LRP1: variants seen among roughly 807,000 people sequenced by gnomAD.
LRP1 encodes LDL receptor related protein 1, also known as prolow-density lipoprotein receptor-related protein 1.
Under a neutral mutation model 541.5 loss-of-function variants are expected in LRP1, and 51 were observed. The observed-to-expected ratio is 0.09, with a 90% CI of 0.08 to 0.12. LRP1 has a LOEUF of 0.12. Ranked by LOEUF, LRP1 falls within the 10% of genes least tolerant of loss-of-function variation. LRP1 has a pLI of 1.00. For missense variants in LRP1, 3,878 were observed against 6,376.2 expected, an observed-to-expected ratio of 0.61 and a Z score of 13.34; for synonymous variants, 2,219 against 2,470.8, an observed-to-expected ratio of 0.90 and a Z score of 3.02.
At chr12:57,160,840 A>AGG in intron 12 of LRP1, 53 bp from the exon 13 acceptor site, 1 of 1,398,174 alleles carries the variant, frequency 7.2e-7, no homozygotes, top group South Asian at 1.2e-5. Context: ...ATCACAGGGG[A>AGG]GGCTGTTGAT....
At chr12:57,171,044 T>C (rs1308845175) in intron 20 of LRP1, among the ~76,000 whole-genome samples, 1 of 152,126 alleles carries the variant, frequency 6.6e-6, no homozygotes, top group Admixed American at 6.6e-5. Flanking sequence ...TCTCCAGGGC[T>C]ATCTCTGTGA....
At position 57,185,966 on chromosome 12, in the gene LRP1, G is replaced by A; in HGVS notation, c.6841+58G>A. On this transcript the variant is annotated intron_variant, in intron 41 of 88. Coordinates refer to ENST00000243077, the MANE Select transcript of LRP1 (RefSeq NM_002332.3). The surrounding 1 kb of genome is among the most constrained non-coding windows in gnomAD (Gnocchi z 4.9). ...GGGACATGGGGCGGGGAGCAGCACA[G>A]ACTCTTAGACCCCAGCCAGGCACTC... 1 of 1,547,908 alleles carries A rather than the reference G, an allele frequency of 6.5e-7. No individual in the cohort carries two copies. The highest frequency in any genetic ancestry group is 1.4e-5 in the African/African-American group (1 of 73,582).
In LRP1 at chr12:57,185,238, G is replaced by T. The variant is rs1565739960; in HGVS notation, c.6463+33G>T. The T allele has an allele frequency of 2.5e-6, 4 of 1,612,308 alleles. No individual in the cohort carries two copies. Among genetic ancestry groups the T allele is most frequent in the Middle Eastern group, 1.7e-4 (1 of 6,054 alleles). On this transcript the variant is annotated intron_variant, in intron 40 of 88. Coordinates refer to ENST00000243077, the MANE Select transcript of LRP1 (RefSeq NM_002332.3). This position sits in a 1 kb window ranked among gnomAD's most constrained non-coding sequence, Gnocchi z 4.9. ...TGGGGCTCTGGGCTGGGGTGGAGAG[G>T]TGAGGGGGACTCTGGCCTGGGAGAG...
intron 42 of LRP1, 37 bp from the exon 43 acceptor site, chr12:57,190,768 G>T: frequency 1.9e-6 from 3 of 1,598,252 alleles, no homozygotes; most frequent in Non-Finnish European, 2.6e-6. Context: ...TGGATTCTCA[G>T]GCTTTGCCTC....
Position 57,185,246 on chromosome 12 carries a change from G to C in LRP1, c.6463+41G>C, listed in dbSNP as rs2036246411. 1 of 1,609,982 alleles carries C rather than the reference G, an allele frequency of 6.2e-7. No individual in the cohort carries two copies. Among genetic ancestry groups the C allele is most frequent in the Non-Finnish European group, 8.5e-7 (1 of 1,177,414 alleles). ...TGGGCTGGGGTGGAGAGGTGAGGGG[G>C]ACTCTGGCCTGGGAGAGTGCTCCCC... is the stretch of plus-strand genomic sequence containing the variant. On this transcript the variant is annotated intron_variant, in intron 40 of 88. Coordinates refer to ENST00000243077, the MANE Select transcript of LRP1 (RefSeq NM_002332.3). The surrounding 1 kb of genome is among the most constrained non-coding windows in gnomAD (Gnocchi z 4.9).
chr12:57,151,055 G>C (rs112344729), intron 6 of LRP1, among the ~76,000 whole-genome samples: 26 of 152,146 alleles, frequency 1.7e-4, no homozygotes, highest in Middle Eastern at 3.4e-3. Context: ...GGACATAAAG[G>C]CTTCTTCCTT....
At chr12:57,160,398 C>T (rs754995193) in intron 12 of LRP1, among the ~76,000 whole-genome samples, 1 of 152,178 alleles carries the variant, frequency 6.6e-6, no homozygotes, top group Non-Finnish European at 1.5e-5. Context: ...CCCGGCTCCT[C>T]CTGCCTCAGG....
Position 57,183,430 on chromosome 12 carries a change from C to G in LRP1, c.5714C>G (p.Pro1905Arg). Residue 1905 changes from proline (P) to arginine (R), a missense_variant, in exon 35 of 89, where the codon CCC becomes CGC. This residue lies in a region of LRP1 where 394 missense variants were observed against 635.9 expected (regional missense o/e 0.62). Transcript: ENST00000243077. This position sits in a 1 kb window ranked among gnomAD's most constrained non-coding sequence, Gnocchi z 6.1. Reference protein sequence around the residue: ...YSVHEGIRGIPLDPNDKSDAL... With the variant: ...YSVHEGIRGIRLDPNDKSDAL... Reference sequence around the variant, plus strand: ...GTGCATGAGGGAATCAGGGGAATTCCCCTGGATCCCAATGACAAGTCAGAT... The same window carrying G: ...GTGCATGAGGGAATCAGGGGAATTCGCCTGGATCCCAATGACAAGTCAGAT... The G allele has an allele frequency of 1.2e-6, 2 of 1,614,162 alleles. No individual in the cohort carries two copies. The highest frequency in any genetic ancestry group is 1.7e-6 in the Non-Finnish European group (2 of 1,179,998).
intron 49 of LRP1, 28 bp downstream of exon 49, chr12:57,194,531 G>T: frequency 6.2e-7 from 1 of 1,611,728 alleles, no homozygotes; most frequent in Non-Finnish European, 8.5e-7. Context: ...TGTGGTGGGT[G>T]GTGGCCTGCG....
At position 57,204,354 on chromosome 12, in the gene LRP1, C is replaced by T. The variant is rs1353911813; in HGVS notation, c.10952-56C>T. On this transcript the variant is annotated intron_variant, in intron 70 of 88. Transcript: ENST00000243077. This position sits in a 1 kb window ranked among gnomAD's most constrained non-coding sequence, Gnocchi z 5.3. Reference sequence around the variant, plus strand: ...AGCCTGGAACCCCCACCTGTGGAGACAGGGGTCTGGGTGGGCTCATGGCTC... The same window carrying T: ...AGCCTGGAACCCCCACCTGTGGAGATAGGGGTCTGGGTGGGCTCATGGCTC... The T allele has an allele frequency of 2.0e-6, 3 of 1,467,530 alleles. No individual in the cohort carries two copies. The African/African-American group carries it at 4.2e-5, about 21-fold the overall frequency. The allele number at this position is 1,467,530 out of a possible 1,614,324, so 90.9% of individuals were successfully genotyped here. A position where few individuals can be genotyped will look rare whatever the true frequency, so the allele number is the denominator to read the frequency against.
In LRP1 at chr12:57,177,481, C is replaced by T. The variant is rs1403444949; in HGVS notation, c.4251C>T (p.Ser1417=). Residue 1417 remains serine (S), a synonymous_variant, in exon 26 of 89, where the codon TCC becomes TCT. Transcript: ENST00000243077. This position sits in a 1 kb window ranked among gnomAD's most constrained non-coding sequence, Gnocchi z 6.8. ...GCCTGCCCCGCATTGAGGCAGCCTC[C>T]ATGAGTGGGGCTGGGCGCCGCACCG... is the stretch of plus-strand genomic sequence containing the variant. ...DASLPRIEAA[S]MSGAGRRTVH... 1 of 1,612,130 alleles carries T rather than the reference C, an allele frequency of 6.2e-7. No homozygotes were observed. The highest frequency in any genetic ancestry group is 1.3e-5 in the African/African-American group (1 of 74,922).
At chr12:57,145,611 A>G in intron 6 of LRP1, 121 bp downstream of exon 6, 1 of 1,280,976 alleles carries the variant, frequency 7.8e-7, no homozygotes, top group Non-Finnish European at 1.1e-6. Flanking sequence ...CAGGAGAAGC[A>G]GGAGGCTGGA....
At chr12:57,202,965 G>A (rs2036687723) in intron 68 of LRP1, 2 of 577,678 alleles carry the variant, frequency 3.5e-6, no homozygotes, top group Admixed American at 3.1e-5. Flanking sequence ...TGTCCTCTCT[G>A]GTGTCTGTCC....
chr12:57,200,330 T>C, intron 62 of LRP1, 112 bp from the exon 63 acceptor site: 2 of 741,522 alleles, frequency 2.7e-6, no homozygotes, highest in Admixed American at 4.1e-5. Flanking sequence ...ACCTGCCCCA[T>C]AACACCCTGA....
rs1263344183 is a variant in LRP1 at position 57,173,576 on chromosome 12, G to A, written c.3347-204G>A. Among the ~76,000 whole-genome samples the A allele has an allele frequency of 1.3e-5, 2 of 152,228 alleles. No homozygotes were observed. The highest frequency in any genetic ancestry group is 2.9e-5 in the Non-Finnish European group (2 of 68,036). ...GACCTGAGAAGCCAAAACCCTACCA[G>A]AGTTGAGCTTCAGCACCTCCTGCTG... On this transcript the variant is annotated intron_variant, in intron 21 of 88. Coordinates refer to ENST00000243077, the MANE Select transcript of LRP1 (RefSeq NM_002332.3). This position sits in a 1 kb window ranked among gnomAD's most constrained non-coding sequence, Gnocchi z 4.7.
intron 10 of LRP1, 116 bp downstream of exon 10, chr12:57,157,036 C>A: frequency 7.9e-7 from 1 of 1,268,764 alleles, no homozygotes; most frequent in Non-Finnish European, 1.0e-6. Context: ...GGAAGTGTCC[C>A]AGAGTGTACC....
intron 15 of LRP1, chr12:57,164,965 A>G (rs778521902): frequency 1.3e-5 from 2 of 152,314 alleles, no homozygotes; most frequent in Non-Finnish European, 2.9e-5. Flanking sequence ...GTGAGCCAGG[A>G]GCTAAAAACC....
chr12:57,167,579 CA>C, intron 19 of LRP1, 55 bp downstream of exon 19: 2 of 1,454,038 alleles, frequency 1.4e-6, no homozygotes, highest in Non-Finnish European at 1.9e-6. Flanking sequence ...AGGCTACAGC[CA>C]GGCCCTCCAG....
rs922985611 is a variant in LRP1, at chr12:57,136,096, C to T, written c.68-2363C>T. Among the ~76,000 whole-genome samples, 8 of 152,310 alleles carry T rather than the reference C, an allele frequency of 5.3e-5. 1 individual carries two copies. The East Asian group carries it at 1.3e-3, about 26-fold the overall frequency. On this transcript the variant is annotated intron_variant, in intron 1 of 88. Transcript: ENST00000243077. ...GCCACGGCTGGTCAGGGGAAGCGGA[C>T]GGTTCTCCGGCATGCTAACTAGGCT... is the stretch of plus-strand genomic sequence containing the variant.
Sources: allele counts gnomAD v4.1 joint callset (sites outside exome capture counted in the v4.1 genomes callset), GRCh38; gene constraint gnomAD v4.1.1; regional missense constraint gnomAD v4.1.1; non-coding constraint Gnocchi (gnomAD v3.1); transcripts MANE v1.5; gene names NCBI Gene and HGNC (gene_info 2026-07-23, HGNC 2026-07-21).